WDR47: variants seen among roughly 807,000 people sequenced by gnomAD.
WDR47 encodes WD repeat domain 47.
Under a neutral mutation model 97.2 loss-of-function variants are expected in WDR47, and 32 were observed. The ratio of observed to expected loss-of-function variants is 0.33; its 90% CI spans 0.25 to 0.44. The LOEUF (loss-of-function observed/expected upper bound fraction) is 0.44. Among genes scored for constraint, WDR47 ranks in the 20% least tolerant of loss-of-function variants. The pLI is 1.00. For missense variants in WDR47, 782 were observed against 1,102.3 expected (o/e 0.71, Z 4.11); for synonymous variants, 375 against 373.5 (o/e 1.00, Z -0.05).
chr1:108,976,927 G>A (rs1017503978), intron 13 of WDR47, among the ~76,000 whole-genome samples: 4 of 152,290 alleles, frequency 2.6e-5, no homozygotes, highest in South Asian at 2.1e-4. Context: ...CCTGTAGGTC[G>A]TGATAACAAG....
Position 108,970,493 on chromosome 1 carries a change from G to GA in WDR47, c.*936dup, listed in dbSNP as rs961443579. On this transcript the variant is annotated 3_prime_UTR_variant, in exon 15 of 15. Transcript: ENST00000369962. The stretch of plus-strand genomic sequence containing the variant: ...TTCTGCATTACACAAAACAGTGCAA[G>GA]AAAAAAATCCAAATAAGCTTTTGGA... The GA allele has an allele frequency of 2.0e-5, 3 of 152,506 alleles. No individual in the cohort carries two copies. The highest frequency in any genetic ancestry group is 7.2e-5 in the African/African-American group (3 of 41,430). The allele number at this position is 152,506 out of a possible 1,614,324, so 9.4% of individuals were successfully genotyped here. A position where few individuals can be genotyped will look rare whatever the true frequency, so the allele number is the denominator to read the frequency against.
intron 1 of WDR47, among the ~76,000 whole-genome samples, chr1:109,039,501 G>A (rs139317900): frequency 0.071 from 10,757 of 152,132 alleles, 465 homozygotes; most frequent in Middle Eastern, 0.14. Context: ...CACGTGATCC[G>A]CCCGCTTTGG....
intron 5 of WDR47, among the ~76,000 whole-genome samples, chr1:109,005,733 G>A (rs1329423229): frequency 2.6e-5 from 4 of 152,048 alleles, no homozygotes; most frequent in Non-Finnish European, 4.4e-5. Flanking sequence ...TTTGTTGGGC[G>A]TGGTACGCGC....
intron 1 of WDR47, chr1:109,030,401 T>C (rs1662534261): frequency 4.9e-6 from 2 of 411,206 alleles, no homozygotes; most frequent in African/African-American, 2.1e-5. Context: ...TAAAATAAAA[T>C]AAAAATTAAA....
At chr1:108,988,218 G>A (rs1437419799) in intron 9 of WDR47, among the ~76,000 whole-genome samples, 2 of 127,916 alleles carry the variant, frequency 1.6e-5, no homozygotes, top group South Asian at 3.1e-4. Context: ...CAGGGAGGGG[G>A]AGATAGGAAG....
intron 1 of WDR47, among the ~76,000 whole-genome samples, chr1:109,038,449 C>T (rs1389737337): frequency 4.0e-5 from 6 of 150,522 alleles, no homozygotes; most frequent in Non-Finnish European, 8.9e-5. Flanking sequence ...GAAGCCAAGG[C>T]AGGCAGGTCA....
intron 1 of WDR47, among the ~76,000 whole-genome samples, chr1:109,040,898 G>A (rs1030944377): frequency 3.3e-5 from 5 of 151,994 alleles, no homozygotes; most frequent in Non-Finnish European, 7.4e-5. Flanking sequence ...AACTTTTTGA[G>A]GCATTCTACA....
intron 8 of WDR47, among the ~76,000 whole-genome samples, chr1:108,993,188 G>A (rs1022749434): frequency 3.3e-5 from 5 of 152,066 alleles, no homozygotes; most frequent in African/African-American, 1.2e-4. Context: ...AGTTGGGTGT[G>A]GTGGTATGTA....
At chr1:109,005,864 C>T (rs1013556649) in intron 5 of WDR47, among the ~76,000 whole-genome samples, 43 of 151,790 alleles carry the variant, frequency 2.8e-4, no homozygotes, top group African/African-American at 1.0e-3. Context: ...TGAGACTCCA[C>T]CTCAAAAAAA....
rs1659335622 is a variant in WDR47, at chr1:108,991,334, G to A, written c.1692-5C>T. ...ATGACCGAATGTTCTGAAGAGCTGTGGGAGTAGAAATTCAAGTAAAGTTTA... is the reference window on the plus strand; with the variant it reads ...ATGACCGAATGTTCTGAAGAGCTGTAGGAGTAGAAATTCAAGTAAAGTTTA... On this transcript the variant is annotated splice_polypyrimidine_tract_variant and splice_region_variant and intron_variant, in intron 8 of 14. Transcript: ENST00000369962. 3 of 1,606,774 alleles carry A rather than the reference G, an allele frequency of 1.9e-6. No homozygotes were observed. Among genetic ancestry groups the A allele is most frequent in the Non-Finnish European group, 1.7e-6 (2 of 1,175,342 alleles).
rs551813252 is a variant in WDR47, at chr1:108,982,251, G to C, written c.2266+358C>G. On this transcript the variant is annotated intron_variant, in intron 12 of 14. Coordinates refer to ENST00000369962, the MANE Select transcript of WDR47 (RefSeq NM_001142551.2). ...AATGCACAACATCAAAACCATACTA[G>C]GCCAGGCATGGTGGCTCATGCCTGT... Among the ~76,000 whole-genome samples, 8 of 151,790 alleles carry C rather than the reference G, an allele frequency of 5.3e-5. No homozygotes were observed. The East Asian group carries it at 1.6e-3, about 30-fold the overall frequency.
intron 9 of WDR47, 93 bp from the exon 10 acceptor site, chr1:108,986,773 A>C (rs147139229): frequency 2.7e-6 from 3 of 1,108,634 alleles, no homozygotes; most frequent in Non-Finnish European, 3.8e-6. Context: ...GAACTTTATT[A>C]TTCTTGTTGG....
intron 1 of WDR47, among the ~76,000 whole-genome samples, chr1:109,025,965 C>T (rs1012905596): frequency 1.1e-4 from 17 of 152,154 alleles, no homozygotes; most frequent in African/African-American, 4.1e-4. Flanking sequence ...TTCCTATCTT[C>T]TGAGCTGACC....
intron 3 of WDR47, among the ~76,000 whole-genome samples, chr1:109,015,011 G>C (rs187144793): frequency 1.2e-4 from 19 of 152,016 alleles, no homozygotes; most frequent in Non-Finnish European, 2.4e-4. Context: ...CCTCAAAAAA[G>C]TATGAAACCA....
intron 13 of WDR47, among the ~76,000 whole-genome samples, chr1:108,975,249 G>A (rs1215832208): frequency 6.6e-6 from 1 of 151,532 alleles, no homozygotes; most frequent in Non-Finnish European, 1.5e-5. Flanking sequence ...ATATATTCAG[G>A]GCAACTTGAA....
At chr1:109,004,853 C>T in intron 5 of WDR47, 138 bp from the exon 6 acceptor site, 1 of 1,080,378 alleles carries the variant, frequency 9.3e-7, no homozygotes, top group Non-Finnish European at 1.2e-6. Context: ...TGGAGTGACG[C>T]AATCTCCGCT....
intron 5 of WDR47, among the ~76,000 whole-genome samples, chr1:109,008,649 C>T (rs2101930789): frequency 6.6e-6 from 1 of 152,030 alleles, no homozygotes; most frequent in South Asian, 2.1e-4. Context: ...ACTCTGTTGC[C>T]CAGGCTGGAG....
At chr1:109,009,647 C>T (rs906108871) in intron 5 of WDR47, among the ~76,000 whole-genome samples, 1 of 152,066 alleles carries the variant, frequency 6.6e-6, no homozygotes, top group Non-Finnish European at 1.5e-5. Context: ...CATGGTCTTT[C>T]AAGTGGAAAA....
At chr1:108,973,790 G>A (rs531567377) in intron 14 of WDR47, among the ~76,000 whole-genome samples, 1 of 152,172 alleles carries the variant, frequency 6.6e-6, no homozygotes, top group Admixed American at 6.5e-5. Flanking sequence ...GGCTGAGGCA[G>A]AAGGATGGCT....
Sources: allele counts gnomAD v4.1 joint callset (sites outside exome capture counted in the v4.1 genomes callset), GRCh38; gene constraint gnomAD v4.1.1; transcripts MANE v1.5; gene names NCBI Gene and HGNC (gene_info 2026-07-23, HGNC 2026-07-21).